Variants in NT5C1A observed in about 807,000 individuals in gnomAD.
The protein encoded by NT5C1A is cytosolic 5'-nucleotidase 1A.
A neutral mutation model predicts 31.0 loss-of-function variants in NT5C1A; 18 were observed. That is an observed-to-expected ratio of 0.58 (90% CI 0.40 to 0.86). The LOEUF is 0.86. NT5C1A is among the 40% of genes least tolerant of loss of function. The pLI is 0.00. For synonymous variants in NT5C1A, 185 were observed against 203.6 expected (o/e 0.91, Z 0.78); for missense variants, 470 against 505.4 (o/e 0.93, Z 0.67).
Position 39,659,057 on chromosome 1 carries a change from G to A in NT5C1A, c.*64C>T. Reference sequence around the variant, plus strand: ...AGTGAGAAACTAGAGGGATCTACCAGAGGAGGTGTCGAAGTATGTCAGGGA... The same window carrying A: ...AGTGAGAAACTAGAGGGATCTACCAAAGGAGGTGTCGAAGTATGTCAGGGA... On this transcript the variant is annotated 3_prime_UTR_variant, in exon 6 of 6. Transcript: ENST00000235628. The A allele has an allele frequency of 6.6e-7, 1 of 1,510,538 alleles. No individual in the cohort carries two copies. Among genetic ancestry groups the A allele is most frequent in the Non-Finnish European group, 8.8e-7 (1 of 1,134,574 alleles). The allele number at this position is 1,510,538 out of a possible 1,614,324, so 93.6% of individuals were successfully genotyped here. A position where few individuals can be genotyped will look rare whatever the true frequency, so the allele number is the denominator to read the frequency against.
intron 1 of NT5C1A, among the ~76,000 whole-genome samples, chr1:39,667,027 G>A (rs968610034): frequency 3.9e-5 from 6 of 152,058 alleles, no homozygotes; most frequent in African/African-American, 1.5e-4. Context: ...TCTGACCACA[G>A]CCCCCCTCTT....
At position 39,666,139 on chromosome 1, in the gene NT5C1A, T is replaced by C. The variant is rs1392034179; in HGVS notation, c.233A>G (p.Glu78Gly). Reference sequence around the variant, plus strand: ...ATGTTCCAGCTGGTAGCGCACGTACTCCTCCACGCCCTGCTCCGTGTAGAT... The same window carrying C: ...ATGTTCCAGCTGGTAGCGCACGTACCCCTCCACGCCCTGCTCCGTGTAGAT... Reference protein sequence around the residue: ...QQIYTEQGVEEYVRYQLEHEN... With the variant: ...QQIYTEQGVEGYVRYQLEHEN... Residue 78 changes from glutamate to glycine, a missense_variant, in exon 2 of 6, where the codon GAG becomes GGG. Glu to Gly is a moderately conservative substitution (Grantham distance 98). Transcript: ENST00000235628. 1 of 1,613,644 alleles carries C rather than the reference T, an allele frequency of 6.2e-7. No homozygotes were observed. Among genetic ancestry groups the C allele is most frequent in the East Asian group, 2.2e-5 (1 of 44,880 alleles).
At position 39,655,149 on chromosome 1, in the gene NT5C1A, G is replaced by A. The variant is rs1646453296; in HGVS notation, c.*3972C>T. 6.6e-6 allele frequency among the ~76,000 whole-genome samples: 1 copy of A among 152,054 alleles called. No homozygotes were observed. The highest frequency in any genetic ancestry group is 2.4e-5 in the African/African-American group (1 of 41,420). On this transcript the variant is annotated 3_prime_UTR_variant, in exon 6 of 6. Coordinates refer to ENST00000235628, the MANE Select transcript of NT5C1A (RefSeq NM_032526.3). ...TAGAGACGGGGTTTCATCATGTTGG[G>A]CAGGATGGTCTCGATCTCCTGACCT...
chr1:39,659,847 G>C (rs1204794278), intron 5 of NT5C1A, among the ~76,000 whole-genome samples: 2 of 152,180 alleles, frequency 1.3e-5, no homozygotes, highest in African/African-American at 4.8e-5. Context: ...TATGGCATGG[G>C]CGCCCTCCAA....
intron 4 of NT5C1A, 64 bp from the exon 5 acceptor site, chr1:39,661,327 C>G: frequency 2.4e-6 from 2 of 833,940 alleles, no homozygotes; most frequent in Non-Finnish European, 4.0e-6. Flanking sequence ...AGTGGGCTAT[C>G]TTAGGCTATC....
In NT5C1A at chr1:39,658,945, G is replaced by A. The variant is rs1557744012; in HGVS notation, c.*176C>T. ...GGCACAGAATTTGCCCCAAAGGAGG[G>A]ATGTTGAGAATGCCAGACCCGTCTG... On this transcript the variant is annotated 3_prime_UTR_variant, in exon 6 of 6. Coordinates refer to ENST00000235628, the MANE Select transcript of NT5C1A (RefSeq NM_032526.3). 6.6e-6 allele frequency among the ~76,000 whole-genome samples: 1 copy of A among 152,178 alleles called. No homozygotes were observed. The highest frequency in any genetic ancestry group is 2.1e-4 in the South Asian group (1 of 4,828).
rs1285384240 is a variant in NT5C1A at position 39,653,332 on chromosome 1, C to T, written c.*5789G>A. On this transcript the variant is annotated 3_prime_UTR_variant, in exon 6 of 6. Transcript: ENST00000235628. ...GGGCTGGCCATCAGTATGTGGGTCCCAGGACACTCAGTTAACAGAGATAAC... is the reference window on the plus strand; with the variant it reads ...GGGCTGGCCATCAGTATGTGGGTCCTAGGACACTCAGTTAACAGAGATAAC... Among the ~76,000 whole-genome samples the T allele has an allele frequency of 5.9e-5, 9 of 151,940 alleles. No individual in the cohort carries two copies. Among genetic ancestry groups the T allele is most frequent in the Non-Finnish European group, 1.2e-4 (8 of 67,984 alleles).
chr1:39,659,569 T>C (rs1646479993), intron 5 of NT5C1A, 83 bp from the exon 6 acceptor site: 3 of 1,486,990 alleles, frequency 2.0e-6, no homozygotes, highest in African/African-American at 2.8e-5. Context: ...ACTAGTGTCT[T>C]GTTTGGTGTG....
intron 3 of NT5C1A, 71 bp from the exon 4 acceptor site, chr1:39,663,505 C>G (rs1646502751): frequency 6.6e-7 from 1 of 1,504,874 alleles, no homozygotes; most frequent in Non-Finnish European, 9.2e-7. Context: ...TCTCTGTGCC[C>G]AGTGCACACC....
Position 39,657,266 on chromosome 1 carries a change from G to A in NT5C1A, c.*1855C>T, listed in dbSNP as rs1391997579. Among the ~76,000 whole-genome samples the A allele has an allele frequency of 2.0e-5, 3 of 152,096 alleles. No homozygotes were observed. The highest frequency in any genetic ancestry group is 2.1e-4 in the South Asian group (1 of 4,814). Reference sequence around the variant, plus strand: ...CCAAATCGTTGCTCATTTGAGAACCGTCTCTGCCTTCTCACTTTGTTCTCC... The same window carrying A: ...CCAAATCGTTGCTCATTTGAGAACCATCTCTGCCTTCTCACTTTGTTCTCC... On this transcript the variant is annotated 3_prime_UTR_variant, in exon 6 of 6. Coordinates refer to ENST00000235628, the MANE Select transcript of NT5C1A (RefSeq NM_032526.3).
rs765829280 is a variant in NT5C1A at position 39,653,917 on chromosome 1, A to G, written c.*5204T>C. On this transcript the variant is annotated 3_prime_UTR_variant, in exon 6 of 6. Coordinates refer to ENST00000235628, the MANE Select transcript of NT5C1A (RefSeq NM_032526.3). ...GCATGCCTCTTGGATAGCAAAACCC[A>G]ACACCAATAGGGATGGCAAAATAGG... 6.6e-5 allele frequency among the ~76,000 whole-genome samples: 10 copies of G among 152,186 alleles called. No individual in the cohort carries two copies. Among genetic ancestry groups the G allele is most frequent in the Non-Finnish European group, 1.0e-4 (7 of 68,028 alleles).
intron 1 of NT5C1A, among the ~76,000 whole-genome samples, chr1:39,666,901 G>A (rs903978293): frequency 6.6e-6 from 1 of 152,170 alleles, no homozygotes; most frequent in Non-Finnish European, 1.5e-5. Context: ...ATCGATTACC[G>A]AAATGAGTCA....
chr1:39,658,764 C>T lies in NT5C1A; in HGVS notation c.*357G>A, dbSNP rs1193404199. Among the ~76,000 whole-genome samples, 1 of 152,174 alleles carries T rather than the reference C, an allele frequency of 6.6e-6. No homozygotes were observed. Among genetic ancestry groups the T allele is most frequent in the African/African-American group, 2.4e-5 (1 of 41,436 alleles). On this transcript the variant is annotated 3_prime_UTR_variant, in exon 6 of 6. Transcript: ENST00000235628. Reference sequence around the variant, plus strand: ...GCTTAGAAGCCAGATCCACTCTCTCCCATAGCAGTGTTGTTTACACCACAT... The same window carrying T: ...GCTTAGAAGCCAGATCCACTCTCTCTCATAGCAGTGTTGTTTACACCACAT...
intron 2 of NT5C1A, 137 bp from the exon 3 acceptor site, chr1:39,665,787 G>T (rs1646518367): frequency 3.3e-6 from 3 of 913,548 alleles, no homozygotes; most frequent in Middle Eastern, 3.4e-4. Flanking sequence ...TTCTCCTAAT[G>T]CAAGTTGCTT....
intron 4 of NT5C1A, 45 bp downstream of exon 4, chr1:39,663,267 C>T: frequency 6.2e-7 from 1 of 1,611,730 alleles, no homozygotes; most frequent in Non-Finnish European, 8.5e-7. Flanking sequence ...CCTCAGGGAC[C>T]CCTTTGCTGC....
At position 39,657,907 on chromosome 1, in the gene NT5C1A, C is replaced by G. The variant is rs528411893; in HGVS notation, c.*1214G>C. 6.6e-6 allele frequency among the ~76,000 whole-genome samples: 1 copy of G among 152,318 alleles called. No homozygotes were observed. Among genetic ancestry groups the G allele is most frequent in the East Asian group, 1.9e-4 (1 of 5,188 alleles). On this transcript the variant is annotated 3_prime_UTR_variant, in exon 6 of 6. Coordinates refer to ENST00000235628, the MANE Select transcript of NT5C1A (RefSeq NM_032526.3). Reference sequence around the variant, plus strand: ...CTGTCTCAGTACCTTCTGTCTCACACCAGACCTCCTGACACTTCCCACTTC... The same window carrying G: ...CTGTCTCAGTACCTTCTGTCTCACAGCAGACCTCCTGACACTTCCCACTTC...
In NT5C1A at chr1:39,659,121, C is replaced by A; in HGVS notation, c.1107G>T (p.Ter369TyrextTer7). The A allele has an allele frequency of 6.3e-7, 1 of 1,589,226 alleles. No individual in the cohort carries two copies. ...APAKQAPSAQ[*>Y] is the part of the protein sequence containing the mutation. ...TGGATCAGTAAAGCCGGTGGTTCAG[C>A]TACTGTGCAGATGGGGCCTGCTTTG... Residue 369 changes from the stop codon to tyrosine (Y), a stop_lost, in exon 6 of 6, where the codon TAG (stop) becomes TAT (tyrosine). Transcript: ENST00000235628.
In NT5C1A at chr1:39,654,229, A is replaced by G. The variant is rs1023727692; in HGVS notation, c.*4892T>C. 6.6e-6 allele frequency among the ~76,000 whole-genome samples: 1 copy of G among 152,022 alleles called. No homozygotes were observed. Among genetic ancestry groups the G allele is most frequent in the African/African-American group, 2.4e-5 (1 of 41,270 alleles). ...GCTCACGTGCCTTCATGCCACAAGA[A>G]ACTGCCATTCCAGCTGTTACAGGAG... On this transcript the variant is annotated 3_prime_UTR_variant, in exon 6 of 6. Transcript: ENST00000235628.
rs567512496 is a variant in NT5C1A, at chr1:39,657,059, C to T, written c.*2062G>A. Among the ~76,000 whole-genome samples the T allele has an allele frequency of 1.8e-4, 27 of 152,308 alleles. No homozygotes were observed. In the South Asian group the frequency reaches 3.3e-3, roughly 19 times the overall value. The stretch of plus-strand genomic sequence containing the variant: ...CCTGGCTGTGCAGTGGAAATGACCT[C>T]GTGCAAAGACATTATCATATGCCCT... On this transcript the variant is annotated 3_prime_UTR_variant, in exon 6 of 6. Coordinates refer to ENST00000235628, the MANE Select transcript of NT5C1A (RefSeq NM_032526.3).
Sources: allele counts gnomAD v4.1 joint callset (sites outside exome capture counted in the v4.1 genomes callset), GRCh38; gene constraint gnomAD v4.1.1; transcripts MANE v1.5; gene names NCBI Gene and HGNC (gene_info 2026-07-23, HGNC 2026-07-21).